NTNG2: variants seen among roughly 807,000 people sequenced by gnomAD.
NTNG2 encodes netrin G2.
In NTNG2, 15 loss-of-function variants were observed where a neutral mutation model predicts 47.6. The observed-to-expected ratio is 0.32, with a 90% CI of 0.21 to 0.49. NTNG2 has a LOEUF of 0.49. Among genes scored for constraint, NTNG2 ranks in the 20% least tolerant of loss-of-function variants. The probability of loss-of-function intolerance (pLI) is 0.99; values close to 1 mark genes in which losing one functional copy is unlikely to be tolerated. For missense variants in NTNG2, 578 were observed against 764.6 expected (o/e 0.76, Z 2.88); for synonymous variants, 307 against 324.6 (o/e 0.95, Z 0.58).
intron 2 of NTNG2, among the ~76,000 whole-genome samples, chr9:132,189,465 T>C (rs1837692902): frequency 6.6e-6 from 1 of 152,122 alleles, no homozygotes. Flanking sequence ...GCAAGACCTG[T>C]GTGTCCAGGT....
chr9:132,167,632 T>C (rs1835593966), intron 2 of NTNG2, among the ~76,000 whole-genome samples: 1 of 152,174 alleles, frequency 6.6e-6, no homozygotes, highest in South Asian at 2.1e-4. Context: ...CCCCTTCCAC[T>C]TCCATTCCTA....
At position 132,241,945 on chromosome 9, in the gene NTNG2, C is replaced by A. The variant is rs762648591; in HGVS notation, c.1427C>A (p.Ala476Asp). 6.4e-7 allele frequency: 1 copy of A among 1,560,960 alleles called. No individual in the cohort carries two copies. The highest frequency in any genetic ancestry group is 1.4e-5 in the African/African-American group (1 of 70,762). The change falls in exon 8 of 8, where the codon GCC becomes GAC. Residue 476 changes from alanine (A) to aspartate (D), a missense_variant. Physicochemically the swap from Ala to Asp is moderately radical, Grantham distance 126. Coordinates refer to ENST00000393229, the MANE Select transcript of NTNG2 (RefSeq NM_032536.4). ...GGTCLQNQRC[A>D]CPRGYTGVRC... ...ACCTGCCTGCAGAACCAGCGCTGCG[C>A]CTGCCCGCGCGGCTACACCGGCGTG...
rs538395854 is a variant in NTNG2 at position 132,226,785 on chromosome 9, C to T, written c.858-64C>T. 3.5e-6 allele frequency: 5 copies of T among 1,434,456 alleles called. No homozygotes were observed. The highest frequency in any genetic ancestry group is 2.9e-5 in the African/African-American group (2 of 69,306). 88.9% of individuals were successfully genotyped at this position (1,434,456 alleles called of 1,614,324 possible). ...CCCCTCCTGGGAGGCGCTCCTTTCC[C>T]CAGAGGCCAGGCCAGGCTGCCCACA... On this transcript the variant is annotated intron_variant, in intron 3 of 7. Coordinates refer to ENST00000393229, the MANE Select transcript of NTNG2 (RefSeq NM_032536.4). This position sits in a 1 kb window ranked among gnomAD's most constrained non-coding sequence, Gnocchi z 4.8.
chr9:132,207,860 T>C (rs1839289076), intron 3 of NTNG2, among the ~76,000 whole-genome samples: 1 of 151,958 alleles, frequency 6.6e-6, no homozygotes, highest in Admixed American at 6.6e-5. Context: ...CCCCAGCACT[T>C]TGGGAGGCTG....
intron 2 of NTNG2, among the ~76,000 whole-genome samples, chr9:132,179,339 G>A (rs562802990): frequency 6.6e-6 from 1 of 152,338 alleles, no homozygotes; most frequent in South Asian, 2.1e-4. Flanking sequence ...TCCCGCCTAT[G>A]TGTCACTACT....
Position 132,180,464 on chromosome 9 carries a change from C to T in NTNG2, c.213+13420C>T, listed in dbSNP as rs1836847613. Reference sequence around the variant, plus strand: ...ACCTTGTCTCTGCCCCTGTCCCCACCCAGGCAACATCCAAAACCTTTGCCC... The same window carrying T: ...ACCTTGTCTCTGCCCCTGTCCCCACTCAGGCAACATCCAAAACCTTTGCCC... On this transcript the variant is annotated intron_variant, in intron 2 of 7. Transcript: ENST00000393229. This position sits in a 1 kb window ranked among gnomAD's most constrained non-coding sequence, Gnocchi z 4.2. Among the ~76,000 whole-genome samples the T allele has an allele frequency of 1.3e-5, 2 of 152,238 alleles. No individual in the cohort carries two copies. The highest frequency in any genetic ancestry group is 2.4e-5 in the African/African-American group (1 of 41,458).
intron 6 of NTNG2, chr9:132,240,474 G>A: frequency 4.0e-6 from 1 of 249,412 alleles, no homozygotes; most frequent in South Asian, 4.0e-5. Flanking sequence ...GGAATAGGCT[G>A]TTCCTCCACT....
intron 2 of NTNG2, among the ~76,000 whole-genome samples, chr9:132,179,879 G>A (rs929679729): frequency 6.6e-5 from 10 of 152,176 alleles, no homozygotes; most frequent in Non-Finnish European, 8.8e-5. Context: ...GAGAGCTAGC[G>A]GGGCTGGGAT....
intron 3 of NTNG2, among the ~76,000 whole-genome samples, chr9:132,217,640 A>G (rs1840078009): frequency 6.6e-6 from 1 of 152,230 alleles, no homozygotes; most frequent in Admixed American, 6.5e-5. Flanking sequence ...AGTATAAGAA[A>G]TGGAAAACTG....
intron 5 of NTNG2, among the ~76,000 whole-genome samples, chr9:132,235,028 G>C (rs146193581): frequency 1.5e-3 from 230 of 152,326 alleles, no homozygotes; most frequent in Middle Eastern, 3.4e-3. Flanking sequence ...CTGCCTTGCT[G>C]GCTGTGTGTC....
intron 2 of NTNG2, among the ~76,000 whole-genome samples, chr9:132,185,271 G>C (rs1837271991): frequency 1.3e-5 from 2 of 152,316 alleles, no homozygotes; most frequent in African/African-American, 4.8e-5. Flanking sequence ...CTGAGGCCCT[G>C]TTGATCAGCA....
intron 5 of NTNG2, 72 bp downstream of exon 5, chr9:132,230,667 T>A (rs2274854): frequency 0.83 from 1,262,154 of 1,528,464 alleles, 522,180 homozygotes; most frequent in Admixed American, 0.91. Flanking sequence ...TGGAAAAAGC[T>A]GGAGAGAAAA....
chr9:132,220,634 A>C (rs1470939572), intron 3 of NTNG2, among the ~76,000 whole-genome samples: 2 of 151,952 alleles, frequency 1.3e-5, no homozygotes, highest in Non-Finnish European at 2.9e-5. Context: ...TTGTGATTTT[A>C]GTAGAGACGG....
intron 2 of NTNG2, among the ~76,000 whole-genome samples, chr9:132,176,396 A>G (rs575663475): frequency 6.6e-6 from 1 of 152,242 alleles, no homozygotes; most frequent in Admixed American, 6.5e-5. Flanking sequence ...TTTTGTCTCC[A>G]TGAATTTAGC....
At chr9:132,178,903 A>G in intron 2 of NTNG2, among the ~76,000 whole-genome samples, 1 of 145,942 alleles carries the variant, frequency 6.9e-6, no homozygotes, top group East Asian at 2.1e-4. Flanking sequence ...CAGAGGTTGC[A>G]GTGAGCCGAG....
rs1315202281 is a variant in NTNG2 at position 132,182,555 on chromosome 9, C to T, written c.214-15411C>T. Among the ~76,000 whole-genome samples, 4 of 152,304 alleles carry T rather than the reference C, an allele frequency of 2.6e-5. No homozygotes were observed. Among genetic ancestry groups the T allele is most frequent in the Admixed American group, 1.3e-4 (2 of 15,312 alleles). ...ACCCAGGGGGTCCTGGAGGCAGCAGCCACGACCTTGGGTGGACGCTGCGCC... is the reference window on the plus strand; with the variant it reads ...ACCCAGGGGGTCCTGGAGGCAGCAGTCACGACCTTGGGTGGACGCTGCGCC... On this transcript the variant is annotated intron_variant, in intron 2 of 7. Transcript: ENST00000393229. The surrounding 1 kb of genome is among the most constrained non-coding windows in gnomAD (Gnocchi z 4.2).
At chr9:132,172,874 C>A (rs917399843) in intron 2 of NTNG2, among the ~76,000 whole-genome samples, 1 of 152,030 alleles carries the variant, frequency 6.6e-6, no homozygotes, top group Non-Finnish European at 1.5e-5. Flanking sequence ...GGACTACAGG[C>A]ACCTGCCACC....
intron 3 of NTNG2, among the ~76,000 whole-genome samples, chr9:132,213,928 T>C (rs750423072): frequency 6.6e-5 from 10 of 152,176 alleles, no homozygotes; most frequent in Non-Finnish European, 1.3e-4. Flanking sequence ...GGAACCCCCA[T>C]GGTCCTGCAA....
intron 3 of NTNG2, among the ~76,000 whole-genome samples, chr9:132,223,566 A>T (rs541028040): frequency 6.6e-6 from 1 of 152,258 alleles, no homozygotes; most frequent in East Asian, 1.9e-4. Flanking sequence ...TCCTCAAAAC[A>T]ATCTCTGAAT....
Sources: gnomAD v4.1 joint callset for allele counts (sites outside exome capture counted in the v4.1 genomes callset) on GRCh38, gnomAD v4.1.1 for gene constraint, Gnocchi (gnomAD v3.1) non-coding constraint, MANE v1.5 for transcripts, NCBI Gene and HGNC (gene_info 2026-07-23, HGNC 2026-07-21) for gene names.